LRP1B: variants seen among roughly 807,000 people sequenced by gnomAD.
LRP1B encodes the protein LDL receptor related protein 1B, also known as low-density lipoprotein receptor-related protein 1B.
LRP1B carries 217 observed loss-of-function variants against 556.6 expected under a neutral mutation model. The observed-to-expected ratio is 0.39, with a 90% CI of 0.35 to 0.44. The LOEUF (loss-of-function observed/expected upper bound fraction) is 0.44, where lower values mean the gene tolerates loss of function less well. LRP1B is among the 20% of genes least tolerant of loss of function. The probability of loss-of-function intolerance (pLI) is 1.00; values close to 1 mark genes in which losing one functional copy is unlikely to be tolerated. For synonymous variants in LRP1B, 2,047 were observed against 1,865.8 expected (o/e 1.10, Z -2.50); for missense variants, 5,053 against 5,620.8 (o/e 0.90, Z 3.23).
chr2:141,843,792 C>A (rs1260203015), intron 1 of LRP1B, among the ~76,000 whole-genome samples: 1 of 152,142 alleles, frequency 6.6e-6, no homozygotes, highest in Non-Finnish European at 1.5e-5. Flanking sequence ...GGGTTGGAAG[C>A]AGCAAATTTC....
chr2:141,254,496 T>C (rs1684386627), intron 4 of LRP1B, 26 bp downstream of exon 4: 1 of 1,609,380 alleles, frequency 6.2e-7, no homozygotes, highest in Admixed American at 1.7e-5. Context: ...TAAACAAAAT[T>C]TGATGGCGTT....
chr2:141,182,690 T>A (rs771804165), intron 7 of LRP1B, among the ~76,000 whole-genome samples: 1 of 151,896 alleles, frequency 6.6e-6, no homozygotes, highest in Non-Finnish European at 1.5e-5. Context: ...ACAAGAAAAT[T>A]TGGAGGGAAA....
At chr2:140,863,544 G>A (rs1379879394) in intron 27 of LRP1B, among the ~76,000 whole-genome samples, 1 of 152,028 alleles carries the variant, frequency 6.6e-6, no homozygotes, top group Non-Finnish European at 1.5e-5. Flanking sequence ...TTTCTTTGTG[G>A]GGATATTATT....
intron 45 of LRP1B, 32 bp from the exon 46 acceptor site, chr2:140,536,741 T>C (rs368181609): frequency 3.4e-5 from 53 of 1,550,834 alleles, no homozygotes; most frequent in Non-Finnish European, 1.6e-5. Context: ...TCAATACTTT[T>C]GTGCAATGGC....
chr2:142,069,918 A>G (rs1417410115), intron 1 of LRP1B, among the ~76,000 whole-genome samples: 1 of 151,832 alleles, frequency 6.6e-6, no homozygotes, highest in Non-Finnish European at 1.5e-5. Flanking sequence ...TTAAATGTCT[A>G]ACAAGGATTT....
At chr2:140,520,353 G>A (rs1357923458) in intron 49 of LRP1B, among the ~76,000 whole-genome samples, 1 of 151,976 alleles carries the variant, frequency 6.6e-6, no homozygotes, top group Non-Finnish European at 1.5e-5. Context: ...ACTATCGCAA[G>A]GACAGAAAAC....
chr2:141,042,919 T>C (rs1268022563), intron 11 of LRP1B, among the ~76,000 whole-genome samples: 2 of 149,404 alleles, frequency 1.3e-5, no homozygotes, highest in East Asian at 3.9e-4. Flanking sequence ...ATTATAAAAA[T>C]CACCGTTGGG....
At chr2:141,907,444 C>G (rs1389625807) in intron 1 of LRP1B, among the ~76,000 whole-genome samples, 1 of 151,736 alleles carries the variant, frequency 6.6e-6, no homozygotes, top group South Asian at 2.1e-4. Flanking sequence ...TAAATTTATA[C>G]CTCCCCTTTC....
intron 3 of LRP1B, among the ~76,000 whole-genome samples, chr2:141,390,995 T>C (rs1254877402): frequency 6.6e-6 from 1 of 152,154 alleles, no homozygotes; most frequent in Admixed American, 6.5e-5. Flanking sequence ...TACTTCTCTG[T>C]GGTCAGAAGG....
chr2:141,411,098 T>C (rs1690834503), intron 3 of LRP1B, among the ~76,000 whole-genome samples: 1 of 152,074 alleles, frequency 6.6e-6, no homozygotes, highest in Admixed American at 6.5e-5. Flanking sequence ...TTAATACTCT[T>C]ATAAATCATT....
intron 48 of LRP1B, 23 bp downstream of exon 48, chr2:140,526,214 C>T (rs1249214907): frequency 1.3e-6 from 2 of 1,598,328 alleles, no homozygotes; most frequent in Admixed American, 1.7e-5. Context: ...CATAAACAGA[C>T]AAAAGGTAGT....
chr2:141,401,439 TATAATAC>T (rs947473894), intron 3 of LRP1B, among the ~76,000 whole-genome samples: 18 of 152,206 alleles, frequency 1.2e-4, no homozygotes, highest in African/African-American at 4.1e-4. Flanking sequence ...CTGGGTTTCT[TATAATAC>T]TGAAAAATTA....
rs368737097 is a variant in LRP1B at position 140,552,403 on chromosome 2, A to G, written c.7195-10432T>C. 2.6e-4 allele frequency among the ~76,000 whole-genome samples: 39 copies of G among 152,264 alleles called. 3 individuals are homozygous for G. The Middle Eastern group carries it at 0.01, about 40-fold the overall frequency. ...CACTAAGTCTAATAGTTTAGTTTTTACTTCTGCTGACATAGAGAGAGGAGA... is the reference window on the plus strand; with the variant it reads ...CACTAAGTCTAATAGTTTAGTTTTTGCTTCTGCTGACATAGAGAGAGGAGA... On this transcript the variant is annotated intron_variant, in intron 43 of 90. Transcript: ENST00000389484.
chr2:141,798,236 AATGCAACAAAATGT>A (rs879431868), intron 2 of LRP1B, among the ~76,000 whole-genome samples: 2 of 152,104 alleles, frequency 1.3e-5, no homozygotes, highest in Admixed American at 6.6e-5. Flanking sequence ...ATGAAGAAAA[AATGCAACAAAATGT>A]AATGATTGAT....
At chr2:140,291,208 G>A (rs575139109) in intron 84 of LRP1B, among the ~76,000 whole-genome samples, 122 of 148,578 alleles carry the variant, frequency 8.2e-4, no homozygotes, top group African/African-American at 2.5e-3. Context: ...CTTTGCATAT[G>A]CTGTTCCCCC....
At chr2:141,576,877 C>T (rs1222026674) in intron 2 of LRP1B, among the ~76,000 whole-genome samples, 2 of 139,482 alleles carry the variant, frequency 1.4e-5, no homozygotes, top group Admixed American at 1.5e-4. Context: ...AGGTTGTTTT[C>T]GAACTCCTGA....
chr2:141,569,227 A>G (rs1686444655), intron 2 of LRP1B, among the ~76,000 whole-genome samples: 3 of 151,116 alleles, frequency 2.0e-5, no homozygotes, highest in South Asian at 4.2e-4. Flanking sequence ...GTAGAGAAAA[A>G]TCGCTACAAT....
intron 32 of LRP1B, among the ~76,000 whole-genome samples, chr2:140,778,976 G>T (rs544532317): frequency 1.3e-5 from 2 of 151,650 alleles, no homozygotes; most frequent in South Asian, 4.2e-4. Context: ...TAATGTTTAA[G>T]TGAATTTGTA....
intron 66 of LRP1B, among the ~76,000 whole-genome samples, chr2:140,419,651 T>C (rs897757066): frequency 6.6e-6 from 1 of 152,150 alleles, no homozygotes; most frequent in African/African-American, 2.4e-5. Context: ...AGCTGGAATA[T>C]CCCAAATCAT....
Sources: allele counts gnomAD v4.1 joint callset (sites outside exome capture counted in the v4.1 genomes callset), GRCh38; gene constraint gnomAD v4.1.1; transcripts MANE v1.5; gene names NCBI Gene and HGNC (gene_info 2026-07-23, HGNC 2026-07-21).